Variants in BMAL2 observed in about 807,000 individuals in gnomAD.
The protein encoded by BMAL2 is basic helix-loop-helix ARNT like 2, also known as basic helix-loop-helix ARNT-like protein 2.
the BMAL2 span, chr12:27,368,262 G>A: frequency 6.2e-7 from 1 of 1,614,124 alleles, no homozygotes; most frequent in Non-Finnish European, 8.5e-7. Context: ...CTGCCCATAG[G>A]TAAAGTGTTG....
At chr12:27,401,173 G>C in the BMAL2 span, 8 of 1,089,024 alleles carry the variant, frequency 7.3e-6, no homozygotes, top group African/African-American at 1.5e-5. Flanking sequence ...ACTTCTTTAC[G>C]ATCCTGACCA....
the BMAL2 span, among the ~76,000 whole-genome samples, chr12:27,374,761 T>A: frequency 3.3e-5 from 5 of 152,334 alleles, no homozygotes; most frequent in East Asian, 9.6e-4. Flanking sequence ...CATTGAGTAG[T>A]CTTCACTTGG....
the BMAL2 span, among the ~76,000 whole-genome samples, chr12:27,366,885 G>A: frequency 3.9e-5 from 6 of 152,180 alleles, no homozygotes; most frequent in South Asian, 2.1e-4. Flanking sequence ...TAAAGAATTT[G>A]TAATAAAACT....
the BMAL2 span, among the ~76,000 whole-genome samples, chr12:27,419,012 C>T: frequency 6.6e-6 from 1 of 151,106 alleles, no homozygotes. Flanking sequence ...ATGGTTCTGT[C>T]ATTAAGAATT....
chr12:27,362,024 CA>C, the BMAL2 span, among the ~76,000 whole-genome samples: 7,023 of 136,556 alleles, frequency 0.051, 171 homozygotes, highest in Non-Finnish European at 0.069. Flanking sequence ...GAATGGGAGG[CA>C]AAAAAAAAAA....
chr12:27,394,049 A>C, the BMAL2 span, among the ~76,000 whole-genome samples: 1 of 152,302 alleles, frequency 6.6e-6, no homozygotes, highest in East Asian at 1.9e-4. Flanking sequence ...TTCCCGCCTC[A>C]GCCTCCCAAG....
chr12:27,350,527 A>G, the BMAL2 span, among the ~76,000 whole-genome samples: 797 of 152,316 alleles, frequency 5.2e-3, 7 homozygotes, highest in African/African-American at 0.018. Flanking sequence ...ATCTTTAGCA[A>G]CACAAAGTTC....
the BMAL2 span, among the ~76,000 whole-genome samples, chr12:27,389,454 A>G: frequency 6.6e-6 from 1 of 152,206 alleles, no homozygotes; most frequent in Non-Finnish European, 1.5e-5. Context: ...ATATAGCTAT[A>G]TAGAAAATTC....
At chr12:27,416,331 G>A in the BMAL2 span, among the ~76,000 whole-genome samples, 2 of 151,938 alleles carry the variant, frequency 1.3e-5, no homozygotes, top group African/African-American at 4.8e-5. Flanking sequence ...TAAATAAATG[G>A]TAGCTCTTAT....
At chr12:27,414,080 A>G in the BMAL2 span, among the ~76,000 whole-genome samples, 1 of 152,218 alleles carries the variant, frequency 6.6e-6, no homozygotes, top group African/African-American at 2.4e-5. Flanking sequence ...CAAAACTGTC[A>G]TGAGACAAAG....
the BMAL2 span, chr12:27,401,305 T>C: frequency 3.7e-6 from 6 of 1,614,064 alleles, no homozygotes; most frequent in South Asian, 2.2e-5. Flanking sequence ...TGGGAACTTC[T>C]TGTTATGAAT....
At chr12:27,349,823 G>C in the BMAL2 span, among the ~76,000 whole-genome samples, 1 of 152,120 alleles carries the variant, frequency 6.6e-6, no homozygotes, top group Admixed American at 6.5e-5. Context: ...GAGGGTAAAT[G>C]TTGCCTAAAG....
the BMAL2 span, among the ~76,000 whole-genome samples, chr12:27,388,103 G>A: frequency 2.0e-5 from 3 of 148,356 alleles, no homozygotes; most frequent in Non-Finnish European, 3.0e-5. Flanking sequence ...ACACATGCAC[G>A]CACACACACA....
the BMAL2 span, among the ~76,000 whole-genome samples, chr12:27,360,801 T>A: frequency 8.9e-4 from 1 of 1,128 alleles, no homozygotes; most frequent in African/African-American, 3.6e-3. Flanking sequence ...AAGTGATTTG[T>A]CCAAAAAAAA....
chr12:27,381,690 ACCCC>A, the BMAL2 span, among the ~76,000 whole-genome samples: 3 of 151,942 alleles, frequency 2.0e-5, no homozygotes, highest in Admixed American at 6.6e-5. Context: ...GGTAGAAATC[ACCCC>A]TGTTTTGGGA....
chr12:27,344,593 C>T, the BMAL2 span, among the ~76,000 whole-genome samples: 1 of 152,170 alleles, frequency 6.6e-6, no homozygotes, highest in Admixed American at 6.5e-5. Context: ...AGGAAGACTC[C>T]GCTCTGCTTT....
At chr12:27,406,929 CAG>C in the BMAL2 span, among the ~76,000 whole-genome samples, 2 of 152,090 alleles carry the variant, frequency 1.3e-5, no homozygotes, top group Non-Finnish European at 2.9e-5. Context: ...CAAAAAAAGG[CAG>C]GGGTTGCAAT....
At chr12:27,360,803 CAAAAAAAAAAA>C in the BMAL2 span, among the ~76,000 whole-genome samples, 6 of 46,788 alleles carry the variant, frequency 1.3e-4, 1 homozygote, top group Non-Finnish European at 1.9e-4. Flanking sequence ...GTGATTTGTC[CAAAAAAAAAAA>C]AAAAAAAAAA....
At chr12:27,380,137 G>A in the BMAL2 span, 1 of 1,080,698 alleles carries the variant, frequency 9.3e-7, no homozygotes, top group Non-Finnish European at 1.3e-6. Context: ...AAGTGGGGAG[G>A]AAGAACAGTG....
Sources: gnomAD v4.1 joint callset for allele counts (sites outside exome capture counted in the v4.1 genomes callset) on GRCh38, gnomAD v4.1.1 for gene constraint, MANE v1.5 for transcripts, NCBI Gene and HGNC (gene_info 2026-07-23, HGNC 2026-07-21) for gene names.